Variants in DCLRE1A observed in about 807,000 individuals in gnomAD.
DCLRE1A encodes the protein DNA cross-link repair 1A.
A neutral mutation model predicts 91.9 loss-of-function variants in DCLRE1A; 64 were observed. The observed-to-expected ratio is 0.70, with a 90% CI of 0.57 to 0.86. The LOEUF is 0.86. Ranked by LOEUF, DCLRE1A falls within the 40% of genes least tolerant of loss-of-function variation. The pLI, the probability that DCLRE1A is intolerant of heterozygous loss-of-function variation, is 0.00. For missense variants in DCLRE1A, 1,145 were observed against 1,213.3 expected (o/e 0.94, Z 0.84); for synonymous variants, 416 against 431.1 (o/e 0.96, Z 0.43).
In DCLRE1A at chr10:113,850,526, CG is replaced by C. The variant is rs747276492; in HGVS notation, c.578del (p.Ala193GlyfsTer38). ...TAGTCTCACTGAAACTGCCACCTGA[CG>C]CAGGTGATGGGCTGCTAAAAGGATG... is the stretch of plus-strand genomic sequence containing the variant. ...GDHPFSSPSP[A>X]SGGSFSETKS... is the part of the protein sequence containing the mutation. On this transcript the variant is annotated frameshift_variant, in exon 2 of 9. Coordinates refer to ENST00000361384, the MANE Select transcript of DCLRE1A (RefSeq NM_014881.5). LOFTEE classifies it high-confidence loss of function. 1.2e-6 allele frequency: 2 copies of C among 1,614,082 alleles called. No homozygotes were observed. The highest frequency in any genetic ancestry group is 2.2e-5 in the South Asian group (2 of 91,066).
At chr10:113,847,704 T>TG (rs1183707734) in intron 2 of DCLRE1A, among the ~76,000 whole-genome samples, 1 of 152,078 alleles carries the variant, frequency 6.6e-6, no homozygotes, top group Non-Finnish European at 1.5e-5. Flanking sequence ...GAATTCTCAA[T>TG]GGGGGCAGTA....
chr10:113,848,036 G>A (rs1270243205), intron 2 of DCLRE1A, among the ~76,000 whole-genome samples: 5 of 152,160 alleles, frequency 3.3e-5, no homozygotes, highest in South Asian at 4.1e-4. Flanking sequence ...AAAATTGGCC[G>A]GGCTCGGTGG....
At position 113,849,390 on chromosome 10, in the gene DCLRE1A, T is replaced by C; in HGVS notation, c.1715A>G (p.Glu572Gly). The stretch of plus-strand genomic sequence containing the variant: ...TAATGCACTTTCCCCTAGCAATTTC[T>C]CTTCCTTTCTTTTGGGAGGTAGTCC... ...YFGLPPKRKEEKLLGESALEG... is the reference protein window; with the variant it reads ...YFGLPPKRKEGKLLGESALEG... Residue 572 changes from glutamate to glycine, a missense_variant, in exon 2 of 9, where the codon GAG (glutamate) becomes GGG (glycine). By Grantham distance (98) the Glu-to-Gly change is moderately conservative (BLOSUM62 -2). Transcript: ENST00000361384. 6.2e-7 allele frequency: 1 copy of C among 1,613,912 alleles called. No homozygotes were observed. Among genetic ancestry groups the C allele is most frequent in the South Asian group, 1.1e-5 (1 of 91,034 alleles).
Position 113,844,093 on chromosome 10 carries a change from G to C in DCLRE1A, c.2519+11C>G, listed in dbSNP as rs770032157. On this transcript the variant is annotated intron_variant, in intron 5 of 8. Coordinates refer to ENST00000361384, the MANE Select transcript of DCLRE1A (RefSeq NM_014881.5). ...TGGGAAAAGGAAACACACAAAAAAA[G>C]CCTCTCTTACGTGGTATCTAAGTAC... is the stretch of plus-strand genomic sequence containing the variant. The C allele has an allele frequency of 2.5e-6, 4 of 1,613,168 alleles. No homozygotes were observed. The highest frequency in any genetic ancestry group is 1.3e-5 in the African/African-American group (1 of 74,976).
chr10:113,848,932 A>G (rs777055493), intron 2 of DCLRE1A, 48 bp downstream of exon 2: 3 of 1,542,186 alleles, frequency 1.9e-6, no homozygotes, highest in Middle Eastern at 1.7e-4. Flanking sequence ...CACAAAGTTC[A>G]AAAACGTTGT....
intron 6 of DCLRE1A, 23 bp downstream of exon 6, chr10:113,842,320 A>T: frequency 6.3e-7 from 1 of 1,591,042 alleles, no homozygotes; most frequent in Non-Finnish European, 8.6e-7. Context: ...TATTAATGTA[A>T]ATTAGATACA....
At chr10:113,847,093 T>G (rs1161238224) in intron 3 of DCLRE1A, 109 bp downstream of exon 3, 2 of 1,106,798 alleles carry the variant, frequency 1.8e-6, no homozygotes, top group African/African-American at 1.6e-5. Flanking sequence ...TTCTCATTTT[T>G]TTTCTAGTAG....
Position 113,850,472 on chromosome 10 carries a change from T to C in DCLRE1A, c.633A>G (p.Glu211=). The part of the protein sequence containing the change: ...TKSGVLCSLE[E]RWSSYQNQTD... ...TTTGGTTCTGATACGAAGACCATCTTTCCTCAAGGCTACAAAGGACGCCTG... is the reference window on the plus strand; with the variant it reads ...TTTGGTTCTGATACGAAGACCATCTCTCCTCAAGGCTACAAAGGACGCCTG... Residue 211 remains glutamate (E), a synonymous_variant, in exon 2 of 9, where the codon GAA becomes GAG. Transcript: ENST00000361384. The C allele has an allele frequency of 1.2e-6, 2 of 1,614,176 alleles. No individual in the cohort carries two copies. Among genetic ancestry groups the C allele is most frequent in the Non-Finnish European group, 1.7e-6 (2 of 1,180,020 alleles).
chr10:113,841,568 CA>C lies in DCLRE1A; in HGVS notation c.2666-9del, dbSNP rs777578135. ...CTAAAACATCAGCAATGGCTATGGG[CA>C]AAAGAAAAGATTAAAAATAGTAAAC... On this transcript the variant is annotated splice_polypyrimidine_tract_variant and intron_variant, in intron 6 of 8. Coordinates refer to ENST00000361384, the MANE Select transcript of DCLRE1A (RefSeq NM_014881.5). The C allele has an allele frequency of 8.2e-6, 13 of 1,581,062 alleles. No individual in the cohort carries two copies. Among genetic ancestry groups the C allele is most frequent in the Non-Finnish European group, 1.0e-5 (12 of 1,169,474 alleles).
intron 3 of DCLRE1A, among the ~76,000 whole-genome samples, chr10:113,846,284 A>G (rs1845536159): frequency 6.6e-6 from 1 of 152,114 alleles, no homozygotes; most frequent in South Asian, 2.1e-4. Flanking sequence ...GGGGCACGTC[A>G]CTTAACTTCT....
chr10:113,846,869 G>A (rs1301459745), intron 3 of DCLRE1A, among the ~76,000 whole-genome samples: 2 of 152,042 alleles, frequency 1.3e-5, no homozygotes, highest in Non-Finnish European at 2.9e-5. Flanking sequence ...TTGAATCCAT[G>A]GATAGGGCAC....
At position 113,834,998 on chromosome 10, in the gene DCLRE1A, G is replaced by A. The variant is rs1741080363; in HGVS notation, c.*154C>T. 6 of 796,574 alleles carry A rather than the reference G, an allele frequency of 7.5e-6. No homozygotes were observed. In the South Asian group the frequency reaches 7.8e-5, roughly 10 times the overall value. 49.3% of individuals were successfully genotyped at this position (796,574 alleles called of 1,614,324 possible). A position where few individuals can be genotyped will look rare whatever the true frequency, so the allele number is the denominator to read the frequency against. On this transcript the variant is annotated 3_prime_UTR_variant, in exon 9 of 9. Coordinates refer to ENST00000361384, the MANE Select transcript of DCLRE1A (RefSeq NM_014881.5). ...GATGCTGAGAGGCATTCAGCACCACGAACATGTTGTTCAAACATAAATGAG... is the reference window on the plus strand; with the variant it reads ...GATGCTGAGAGGCATTCAGCACCACAAACATGTTGTTCAAACATAAATGAG...
rs749297395 is a variant in DCLRE1A at position 113,835,239 on chromosome 10, G to T, written c.3036C>A (p.Ile1012=). Residue 1012 remains isoleucine, a synonymous_variant, in exon 9 of 9, where the codon ATC becomes ATA. Transcript: ENST00000361384. ...AGGTGCCCACATTTACAGTAGGTAT[G>T]ATTTTCTGGGGCTTCAGCCACTGGA... The part of the protein sequence containing the change: ...RFVQWLKPQK[I]IPTVNVGTWK... 1.9e-6 allele frequency: 3 copies of T among 1,614,010 alleles called. No individual in the cohort carries two copies. The highest frequency in any genetic ancestry group is 3.3e-5 in the Admixed American group (2 of 59,990).
chr10:113,848,189 T>C (rs1353671742), intron 2 of DCLRE1A, among the ~76,000 whole-genome samples: 1 of 148,406 alleles, frequency 6.7e-6, no homozygotes, highest in East Asian at 2.0e-4. Flanking sequence ...TTGTGGCGGG[T>C]GCCTGTAGTC....
chr10:113,850,429 T>G lies in DCLRE1A; in HGVS notation c.676A>C (p.Asn226His), dbSNP rs757975259. Residue 226 changes from asparagine to histidine, a missense_variant, in exon 2 of 9, where the codon AAT becomes CAT. Transcript: ENST00000361384. The part of the protein sequence containing the change: ...YQNQTDNSVS[N>H]DPLLMTQYFK... Reference sequence around the variant, plus strand: ...TACTGTGTCATCAATAAGGGATCATTTGAAACCGAGTTATCAGTTTGGTTC... The same window carrying G: ...TACTGTGTCATCAATAAGGGATCATGTGAAACCGAGTTATCAGTTTGGTTC... 2.4e-5 allele frequency: 38 copies of G among 1,614,078 alleles called. No individual in the cohort carries two copies. The highest frequency in any genetic ancestry group is 3.1e-5 in the Non-Finnish European group (36 of 1,180,034).
At chr10:113,843,979 C>A (rs1403449694) in intron 5 of DCLRE1A, 125 bp downstream of exon 5, 2 of 1,327,828 alleles carry the variant, frequency 1.5e-6, no homozygotes, top group East Asian at 2.4e-5. Flanking sequence ...ATTTTTCAAA[C>A]AGCATCCCTC....
chr10:113,846,037 A>G (rs965759907), intron 3 of DCLRE1A, among the ~76,000 whole-genome samples: 2 of 152,088 alleles, frequency 1.3e-5, no homozygotes, highest in Admixed American at 6.5e-5. Context: ...ATGACATACA[A>G]AAGCCTGAGT....
intron 8 of DCLRE1A, 108 bp downstream of exon 8, chr10:113,836,954 T>G: frequency 2.0e-6 from 2 of 986,920 alleles, no homozygotes; most frequent in Non-Finnish European, 2.9e-6. Context: ...TCTTGAATTA[T>G]TAAATTCTTT....
chr10:113,844,120 G>A lies in DCLRE1A; in HGVS notation c.2503C>T (p.Leu835=). The A allele has an allele frequency of 6.2e-7, 1 of 1,614,174 alleles. No individual in the cohort carries two copies. The highest frequency in any genetic ancestry group is 8.5e-7 in the Non-Finnish European group (1 of 1,180,010). The change falls in exon 5 of 9, where the codon CTG becomes TTG. Residue 835 remains leucine, a synonymous_variant. Transcript: ENST00000361384. ...SLLADQKVHM[L]YLDTTYCSPE... ...CTCTCTTACGTGGTATCTAAGTACA[G>A]CATATGGACTTTCTGGTCCGCAAGA...
Sources: allele counts gnomAD v4.1 joint callset (sites outside exome capture counted in the v4.1 genomes callset), GRCh38; gene constraint gnomAD v4.1.1; transcripts MANE v1.5; gene names NCBI Gene and HGNC (gene_info 2026-07-23, HGNC 2026-07-21).